SPOCK1: variants seen among roughly 807,000 people sequenced by gnomAD.
The protein encoded by SPOCK1 is testican-1.
SPOCK1 carries 23 observed loss-of-function variants against 55.3 expected under a neutral mutation model. That is an observed-to-expected ratio of 0.42 (90% confidence interval 0.30 to 0.59). The LOEUF is 0.59. Ranked by LOEUF, SPOCK1 falls within the 20% of genes least tolerant of loss-of-function variation. The probability of loss-of-function intolerance (pLI) is 0.22; values close to 1 mark genes in which losing one functional copy is unlikely to be tolerated. For missense variants in SPOCK1, 499 were observed against 552.5 expected, an observed-to-expected ratio of 0.90 and a Z score of 0.97; for synonymous variants, 226 against 221.0, an observed-to-expected ratio of 1.02 and a Z score of -0.20.
At chr5:137,448,187 G>T (rs1309712340) in intron 2 of SPOCK1, among the ~76,000 whole-genome samples, 2 of 152,228 alleles carry the variant, frequency 1.3e-5, no homozygotes, top group Admixed American at 1.3e-4. Context: ...GGCAGAGGTT[G>T]CAGTGAGCCA....
At chr5:137,372,942 T>C (rs1751233081) in intron 2 of SPOCK1, among the ~76,000 whole-genome samples, 1 of 152,226 alleles carries the variant, frequency 6.6e-6, no homozygotes, top group African/African-American at 2.4e-5. Flanking sequence ...ATGACATTGC[T>C]ATGGTTTGAA....
chr5:137,140,799 C>T, intron 3 of SPOCK1, 105 bp from the exon 4 acceptor site: 1 of 696,120 alleles, frequency 1.4e-6, no homozygotes, highest in Non-Finnish European at 2.2e-6. Flanking sequence ...CGCTGTGTTG[C>T]CCAGACTGGT....
At chr5:137,000,683 A>G (rs1751133206) in intron 6 of SPOCK1, among the ~76,000 whole-genome samples, 1 of 152,208 alleles carries the variant, frequency 6.6e-6, no homozygotes, top group Non-Finnish European at 1.5e-5. Flanking sequence ...CTTGAATGCA[A>G]ACAGGTGAAG....
chr5:137,131,889 G>A (rs1424445352), intron 4 of SPOCK1, among the ~76,000 whole-genome samples: 2 of 140,058 alleles, frequency 1.4e-5, no homozygotes, highest in African/African-American at 5.4e-5. Flanking sequence ...GGAGAATGGC[G>A]TGAACCCGGG....
At chr5:137,462,689 G>A (rs1648874287) in intron 2 of SPOCK1, among the ~76,000 whole-genome samples, 2 of 152,054 alleles carry the variant, frequency 1.3e-5, no homozygotes, top group East Asian at 1.9e-4. Flanking sequence ...ATTAAGCAGG[G>A]GCTTAATAAA....
At chr5:137,366,656 C>T (rs1751073589) in intron 2 of SPOCK1, among the ~76,000 whole-genome samples, 1 of 152,202 alleles carries the variant, frequency 6.6e-6, no homozygotes, top group Non-Finnish European at 1.5e-5. Context: ...TAACACTAAC[C>T]AACTGCTTGT....
At chr5:137,219,336 G>C (rs1755801957) in intron 3 of SPOCK1, among the ~76,000 whole-genome samples, 2 of 152,184 alleles carry the variant, frequency 1.3e-5, no homozygotes, top group South Asian at 4.1e-4. Flanking sequence ...GAGTTCAGTG[G>C]AGGCAGAGGG....
intron 2 of SPOCK1, among the ~76,000 whole-genome samples, chr5:137,330,838 T>C (rs1297988370): frequency 2.6e-5 from 4 of 152,222 alleles, no homozygotes; most frequent in African/African-American, 9.7e-5. Flanking sequence ...TATTCAGCCA[T>C]AGGTATTTTC....
chr5:137,420,529 T>G (rs9686322), intron 2 of SPOCK1, among the ~76,000 whole-genome samples: 152,160 of 152,324 alleles, frequency 1, 75,998 homozygotes, highest in Middle Eastern at 1. Context: ...GGCTTGGGAG[T>G]TTGTATGTGT....
intron 2 of SPOCK1, among the ~76,000 whole-genome samples, chr5:137,321,579 A>T (rs1757982857): frequency 6.6e-6 from 1 of 152,186 alleles, no homozygotes; most frequent in South Asian, 2.1e-4. Flanking sequence ...CAAAGTGATT[A>T]AAAAAGAAAA....
At chr5:137,237,110 T>C (rs1320741521) in intron 3 of SPOCK1, among the ~76,000 whole-genome samples, 2 of 152,216 alleles carry the variant, frequency 1.3e-5, no homozygotes, top group African/African-American at 4.8e-5. Flanking sequence ...ATGGAATGAA[T>C]TCTGCACCGA....
At chr5:137,276,798 C>A (rs1002452018) in intron 2 of SPOCK1, among the ~76,000 whole-genome samples, 1 of 152,112 alleles carries the variant, frequency 6.6e-6, no homozygotes, top group Non-Finnish European at 1.5e-5. Flanking sequence ...ATCAACCAGG[C>A]TCCATAGGAG....
At chr5:137,160,558 T>TGTATATAATATATA (rs1491439850) in intron 3 of SPOCK1, among the ~76,000 whole-genome samples, 16 of 57,288 alleles carry the variant, frequency 2.8e-4, no homozygotes, top group African/African-American at 1.2e-3. Flanking sequence ...TAATATATAT[T>TGTATATAATATATA]ATATATTATA....
chr5:137,474,587 T>C lies in SPOCK1; in HGVS notation c.186+23786A>G, dbSNP rs374850671. On this transcript the variant is annotated intron_variant, in intron 2 of 10. Coordinates refer to ENST00000394945, the MANE Select transcript of SPOCK1 (RefSeq NM_004598.4). The stretch of plus-strand genomic sequence containing the variant: ...CCTCATTAGAAGGAACCAGGATTCT[T>C]TGGATCTGATTCCAGGACTGGGGAA... Among the ~76,000 whole-genome samples the C allele has an allele frequency of 1.4e-4, 21 of 152,304 alleles. 1 individual carries two copies. Among genetic ancestry groups the C allele is most frequent in the East Asian group, 1.2e-3 (6 of 5,184 alleles).
intron 6 of SPOCK1, among the ~76,000 whole-genome samples, chr5:137,025,464 A>C (rs1751657729): frequency 6.6e-6 from 1 of 152,214 alleles, no homozygotes; most frequent in Non-Finnish European, 1.5e-5. Flanking sequence ...AATTCATTTA[A>C]CATTTAATAG....
chr5:137,051,675 GGA>G (rs1752211234), intron 6 of SPOCK1, among the ~76,000 whole-genome samples: 1 of 151,882 alleles, frequency 6.6e-6, no homozygotes, highest in Non-Finnish European at 1.5e-5. Flanking sequence ...ATCAAATTAA[GGA>G]TATAAAAGAA....
rs1750595881 is a variant in SPOCK1, at chr5:136,975,531, A to G, written c.*3123T>C. 1 of 152,602 alleles carries G rather than the reference A, an allele frequency of 6.6e-6. No individual in the cohort carries two copies. Among genetic ancestry groups the G allele is most frequent in the Admixed American group, 6.5e-5 (1 of 15,282 alleles). 9.5% of individuals were successfully genotyped at this position (152,602 alleles called of 1,614,324 possible). ...TTACAATGCTATACATTTAACAGGA[A>G]CAAACATCAGTGACTTTGAGAAAAA... is the stretch of plus-strand genomic sequence containing the variant. On this transcript the variant is annotated 3_prime_UTR_variant, in exon 11 of 11. Transcript: ENST00000394945.
In SPOCK1 at chr5:137,103,373, A is replaced by G. The variant is rs547726143; in HGVS notation, c.474+9062T>C. 7.2e-5 allele frequency among the ~76,000 whole-genome samples: 11 copies of G among 152,352 alleles called. No homozygotes were observed. In the East Asian group the frequency reaches 1.9e-3, roughly 27 times the overall value. ...AACGACATTCCCCAGCCTCCCTTGA[A>G]GCTTGCAGTGGCCTTATGATTAAGT... On this transcript the variant is annotated intron_variant, in intron 5 of 10. Transcript: ENST00000394945.
rs1561538925 is a variant in SPOCK1, at chr5:137,449,912, A to AAAAAAG, written c.186+48455_186+48460dup. 5.5e-4 allele frequency among the ~76,000 whole-genome samples: 78 copies of AAAAAAG among 142,096 alleles called. 1 individual carries two copies. Among genetic ancestry groups the AAAAAAG allele is most frequent in the Non-Finnish European group, 8.9e-4 (58 of 64,998 alleles). The allele number at this position is 142,096 out of a possible 152,430, so 93.2% of individuals were successfully genotyped here. On this transcript the variant is annotated intron_variant, in intron 2 of 10. Transcript: ENST00000394945. ...AAAAAAAAAAAAAAAAAAAAAAAAA[A>AAAAAAG]AAAAAGAAAGAAAGAAAAAGAAAGA...
Sources: gnomAD v4.1 joint callset for allele counts (sites outside exome capture counted in the v4.1 genomes callset) on GRCh38, gnomAD v4.1.1 for gene constraint, MANE v1.5 for transcripts, NCBI Gene and HGNC (gene_info 2026-07-23, HGNC 2026-07-21) for gene names.